The following EPHA6 variants were observed in gnomAD, a reference collection of about 807,000 sequenced individuals.
The protein encoded by EPHA6 is ephrin type-A receptor 6.
EPHA6 carries 50 observed loss-of-function variants against 112.0 expected under a neutral mutation model. The observed-to-expected ratio is 0.45, with a 90% confidence interval of 0.36 to 0.56. The LOEUF is 0.56. Among genes scored for constraint, EPHA6 ranks in the 20% least tolerant of loss-of-function variants. The pLI is 0.00. For synonymous variants in EPHA6, 529 were observed against 490.7 expected (o/e 1.08, Z -1.03); for missense variants, 1,280 against 1,417.4 (o/e 0.90, Z 1.56).
chr3:97,328,974 A>T (rs1353933305), intron 5 of EPHA6, among the ~76,000 whole-genome samples: 1 of 151,286 alleles, frequency 6.6e-6, no homozygotes, highest in Non-Finnish European at 1.5e-5. Context: ...CTCTCCCCCA[A>T]CCCCACAACA....
chr3:96,897,210 A>AC (rs1491519841), intron 2 of EPHA6, among the ~76,000 whole-genome samples: 3,441 of 139,870 alleles, frequency 0.025, 134 homozygotes, highest in African/African-American at 0.098. Context: ...GTGTATATAC[A>AC]AACACACACA....
chr3:97,647,075 G>A (rs1490640663), intron 14 of EPHA6, among the ~76,000 whole-genome samples: 6 of 152,124 alleles, frequency 3.9e-5, no homozygotes, highest in African/African-American at 1.2e-4. Flanking sequence ...AATTTCCTAG[G>A]AGGGACAGGT....
chr3:97,406,968 A>G (rs755435217), intron 6 of EPHA6, among the ~76,000 whole-genome samples: 4 of 152,176 alleles, frequency 2.6e-5, no homozygotes, highest in Non-Finnish European at 5.9e-5. Context: ...ATGTGCATAT[A>G]TATACAAGCA....
chr3:97,481,392 T>A, intron 9 of EPHA6: 2 of 1,496,850 alleles, frequency 1.3e-6, no homozygotes, highest in African/African-American at 1.4e-5. Flanking sequence ...CCCTGAAATT[T>A]TTTGCTGTGG....
chr3:96,875,089 C>A (rs2036866059), intron 2 of EPHA6, among the ~76,000 whole-genome samples: 1 of 152,068 alleles, frequency 6.6e-6, no homozygotes, highest in African/African-American at 2.4e-5. Context: ...TTCCTTTTAT[C>A]TGGGCTGCCA....
chr3:97,277,734 G>A (rs1014340352), intron 5 of EPHA6, among the ~76,000 whole-genome samples: 2 of 152,094 alleles, frequency 1.3e-5, no homozygotes, highest in African/African-American at 2.4e-5. Context: ...GTTATAACAT[G>A]GTACACATAT....
At chr3:97,252,142 C>T (rs1338169040) in intron 5 of EPHA6, among the ~76,000 whole-genome samples, 1 of 152,028 alleles carries the variant, frequency 6.6e-6, no homozygotes, top group East Asian at 1.9e-4. Flanking sequence ...AAAATATCAG[C>T]CAGACTCAGG....
rs577511478 is a variant in EPHA6, at chr3:97,492,334, G to A, written c.2200+8275G>A. On this transcript the variant is annotated intron_variant, in intron 10 of 17. Coordinates refer to ENST00000389672, the MANE Select transcript of EPHA6 (RefSeq NM_001080448.3). ...GAGGCGTGCAGATCATTTGAAGTCA[G>A]GAGTTTGAGACCAGCCTGGCCAACG... Among the ~76,000 whole-genome samples the A allele has an allele frequency of 4.6e-5, 7 of 151,770 alleles. No homozygotes were observed. The South Asian group carries it at 1.3e-3, about 27-fold the overall frequency.
intron 5 of EPHA6, among the ~76,000 whole-genome samples, chr3:97,258,929 T>C (rs1018764789): frequency 6.6e-6 from 1 of 152,172 alleles, no homozygotes; most frequent in Non-Finnish European, 1.5e-5. Flanking sequence ...TTTATAAATA[T>C]GCAAGAACTT....
intron 3 of EPHA6, among the ~76,000 whole-genome samples, chr3:96,994,693 ATG>A (rs1255806171): frequency 0.046 from 5,054 of 108,800 alleles, 158 homozygotes; most frequent in Non-Finnish European, 0.069. Flanking sequence ...GTGTGTGTGT[ATG>A]TGTGTGTGTG....
chr3:97,180,661 C>T (rs901317575), intron 3 of EPHA6, among the ~76,000 whole-genome samples: 1 of 151,990 alleles, frequency 6.6e-6, no homozygotes, highest in Admixed American at 6.6e-5. Flanking sequence ...GGAGCTAGGG[C>T]CTGGAATGGG....
chr3:97,380,047 T>G (rs1035280366), intron 5 of EPHA6, among the ~76,000 whole-genome samples: 1 of 152,076 alleles, frequency 6.6e-6, no homozygotes, highest in Admixed American at 6.5e-5. Flanking sequence ...TCATGGGAGA[T>G]AGAGAACAAT....
At chr3:97,443,048 C>T (rs2090192941) in intron 6 of EPHA6, among the ~76,000 whole-genome samples, 1 of 152,018 alleles carries the variant, frequency 6.6e-6, no homozygotes, top group African/African-American at 2.4e-5. Context: ...GGCAAAATAC[C>T]TTTCTGCAGA....
rs963779665 is a variant in EPHA6, at chr3:97,182,337, A to G, written c.1115-43927A>G. ...CAAATTTATTATTATAATATTATAT[A>G]TAATTATCATATTATAATAAATATG... On this transcript the variant is annotated intron_variant, in intron 3 of 17. Transcript: ENST00000389672. Among the ~76,000 whole-genome samples the G allele has an allele frequency of 4.0e-5, 6 of 148,838 alleles. No individual in the cohort carries two copies. The Admixed American group carries it at 4.0e-4, about 10-fold the overall frequency.
intron 11 of EPHA6, among the ~76,000 whole-genome samples, chr3:97,544,774 T>C (rs1236855993): frequency 1.3e-5 from 2 of 152,200 alleles, no homozygotes; most frequent in African/African-American, 2.4e-5. Flanking sequence ...TCAGAGCCTG[T>C]TATTGGTCTA....
chr3:97,457,814 C>G (rs1165484866), intron 7 of EPHA6, among the ~76,000 whole-genome samples: 1 of 151,870 alleles, frequency 6.6e-6, no homozygotes, highest in Non-Finnish European at 1.5e-5. Flanking sequence ...TGCCTGTAAT[C>G]CCAGCACTTT....
intron 2 of EPHA6, among the ~76,000 whole-genome samples, chr3:96,925,508 G>A (rs1233304919): frequency 6.6e-6 from 1 of 151,566 alleles, no homozygotes; most frequent in Non-Finnish European, 1.5e-5. Flanking sequence ...TATCATTTCT[G>A]ACTATTTGAA....
chr3:97,328,770 C>T (rs944233639), intron 5 of EPHA6, among the ~76,000 whole-genome samples: 5 of 151,952 alleles, frequency 3.3e-5, no homozygotes, highest in Non-Finnish European at 7.4e-5. Flanking sequence ...GAACTCATTG[C>T]TGACTCCTAA....
At chr3:97,624,104 C>T (rs1260684563) in intron 13 of EPHA6, among the ~76,000 whole-genome samples, 1 of 151,616 alleles carries the variant, frequency 6.6e-6, no homozygotes, top group Non-Finnish European at 1.5e-5. Flanking sequence ...CATCCTGGCC[C>T]TCTTCATTAT....
Sources: allele counts gnomAD v4.1 joint callset (sites outside exome capture counted in the v4.1 genomes callset), GRCh38; gene constraint gnomAD v4.1.1; transcripts MANE v1.5; gene names NCBI Gene and HGNC (gene_info 2026-07-23, HGNC 2026-07-21).